PALM2AKAP2: variants seen among roughly 807,000 people sequenced by gnomAD.
PALM2AKAP2 encodes the protein PALM2-AKAP2 fusion protein.
In PALM2AKAP2, 37 loss-of-function variants were observed where a neutral mutation model predicts 71.5. The ratio of observed to expected loss-of-function variants is 0.52; its 90% CI spans 0.40 to 0.68. PALM2AKAP2 has a LOEUF of 0.68. Among genes scored for constraint, PALM2AKAP2 ranks in the 30% least tolerant of loss-of-function variants. The pLI is 0.00. For missense variants in PALM2AKAP2, 1,224 were observed against 1,191.8 expected, an observed-to-expected ratio of 1.03 and a Z score of -0.40; for synonymous variants, 468 against 478.8, an observed-to-expected ratio of 0.98 and a Z score of 0.29.
chr9:109,938,953 C>T (rs550600315), intron 6 of PALM2AKAP2, among the ~76,000 whole-genome samples: 69 of 152,090 alleles, frequency 4.5e-4, no homozygotes, highest in Non-Finnish European at 8.4e-4. Flanking sequence ...CGCTTGAACC[C>T]GGGAGGCAGA....
intron 1 of PALM2AKAP2, among the ~76,000 whole-genome samples, chr9:109,790,640 G>A (rs1409457100): frequency 1.3e-5 from 2 of 152,168 alleles, no homozygotes; most frequent in Admixed American, 6.5e-5. Flanking sequence ...TTTAAGAAAG[G>A]TGCCTCTTGG....
At chr9:109,806,955 G>A (rs1213294759) in intron 1 of PALM2AKAP2, among the ~76,000 whole-genome samples, 1 of 152,182 alleles carries the variant, frequency 6.6e-6, no homozygotes, top group Non-Finnish European at 1.5e-5. Context: ...GATGTGGTGA[G>A]CTGAGTTAGT....
chr9:110,124,570 T>C (rs1429828409), intron 1 of PALM2AKAP2, among the ~76,000 whole-genome samples: 3 of 152,168 alleles, frequency 2.0e-5, no homozygotes, highest in East Asian at 3.8e-4. Flanking sequence ...GTGGGTGTTA[T>C]CAGGCAGGGG....
At position 109,910,591 on chromosome 9, in the gene PALM2AKAP2, A is replaced by C. The variant is rs117218154; in HGVS notation, c.258-13144A>C. On this transcript the variant is annotated intron_variant, in intron 3 of 9. Coordinates refer to the PALM2AKAP2 transcript ENST00000302798. ...GGAAGAGTGATCAAATATGTTTTTA[A>C]AAACGAAGAAGTCAAACAGATCCAC... is the stretch of plus-strand genomic sequence containing the variant. Among the ~76,000 whole-genome samples the C allele has an allele frequency of 7.6e-3, 1,150 of 152,274 alleles. 7 individuals are homozygous for C. The highest frequency in any genetic ancestry group is 0.012 in the Non-Finnish European group (805 of 68,022).
chr9:110,089,697 C>T (rs561491880), intron 1 of PALM2AKAP2, among the ~76,000 whole-genome samples: 30 of 152,302 alleles, frequency 2.0e-4, no homozygotes, highest in African/African-American at 6.7e-4. Context: ...TCACAAGATG[C>T]TCATCCCTTT....
chr9:109,897,124 G>T (rs1830220460), intron 3 of PALM2AKAP2, among the ~76,000 whole-genome samples: 1 of 152,098 alleles, frequency 6.6e-6, no homozygotes, highest in Non-Finnish European at 1.5e-5. Flanking sequence ...TAGAGTTGAG[G>T]GTTAAGAGTA....
intron 1 of PALM2AKAP2, among the ~76,000 whole-genome samples, chr9:109,694,820 T>TA (rs1347906390): frequency 6.6e-6 from 1 of 151,980 alleles, no homozygotes; most frequent in Non-Finnish European, 1.5e-5. Context: ...GAATCAGACT[T>TA]AGACAATGAA....
intron 3 of PALM2AKAP2, among the ~76,000 whole-genome samples, chr9:109,886,705 T>C (rs1258046799): frequency 2.0e-5 from 3 of 152,228 alleles, no homozygotes; most frequent in African/African-American, 4.8e-5. Flanking sequence ...GCTCTGGTAT[T>C]CTGAGTTTCT....
chr9:109,688,225 G>A (rs752907396), intron 1 of PALM2AKAP2, among the ~76,000 whole-genome samples: 2 of 152,214 alleles, frequency 1.3e-5, no homozygotes, highest in African/African-American at 4.8e-5. Flanking sequence ...ATTCATCACA[G>A]GGTTGCTGCA....
At chr9:110,030,500 G>A (rs1473329307) in intron 7 of PALM2AKAP2, among the ~76,000 whole-genome samples, 1 of 152,146 alleles carries the variant, frequency 6.6e-6, no homozygotes, top group East Asian at 1.9e-4. Flanking sequence ...ACAGGAGTGA[G>A]GGGAGGTCAG....
At chr9:109,725,521 C>T (rs1231847952) in intron 1 of PALM2AKAP2, among the ~76,000 whole-genome samples, 2 of 152,124 alleles carry the variant, frequency 1.3e-5, no homozygotes, top group East Asian at 3.9e-4. Flanking sequence ...AAAGGAATAA[C>T]TCATCAAGCA....
intron 1 of PALM2AKAP2, among the ~76,000 whole-genome samples, chr9:110,085,704 T>A (rs999996893): frequency 3.3e-5 from 5 of 152,126 alleles, no homozygotes; most frequent in African/African-American, 1.2e-4. Context: ...AATAAAAATA[T>A]TGGGAGGACA....
At chr9:109,795,285 A>C (rs904776029) in intron 1 of PALM2AKAP2, among the ~76,000 whole-genome samples, 1 of 152,204 alleles carries the variant, frequency 6.6e-6, no homozygotes, top group Non-Finnish European at 1.5e-5. Flanking sequence ...GTATAACATA[A>C]AGGTTACCTG....
At chr9:109,721,692 GC>G (rs1329670594) in intron 1 of PALM2AKAP2, among the ~76,000 whole-genome samples, 3 of 152,066 alleles carry the variant, frequency 2.0e-5, no homozygotes, top group Admixed American at 6.6e-5. Context: ...CATGCATGAA[GC>G]CCCCCACACC....
intron 1 of PALM2AKAP2, among the ~76,000 whole-genome samples, chr9:109,836,230 C>T (rs1828472455): frequency 6.6e-6 from 1 of 152,230 alleles, no homozygotes. Flanking sequence ...GCAGTATTCA[C>T]TGTTCTGCAG....
intron 1 of PALM2AKAP2, among the ~76,000 whole-genome samples, chr9:109,675,706 G>A (rs572034471): frequency 3.1e-4 from 47 of 152,202 alleles, no homozygotes; most frequent in African/African-American, 1.1e-3. Context: ...TATAACATTT[G>A]TTCTTACAAA....
At chr9:109,768,934 A>C (rs1389173469) in intron 1 of PALM2AKAP2, among the ~76,000 whole-genome samples, 2 of 152,330 alleles carry the variant, frequency 1.3e-5, no homozygotes, top group African/African-American at 4.8e-5. Context: ...AGCCTGGGCA[A>C]CATAGTGAGA....
At chr9:110,039,340 A>G (rs547226748) in intron 7 of PALM2AKAP2, among the ~76,000 whole-genome samples, 2 of 152,360 alleles carry the variant, frequency 1.3e-5, no homozygotes, top group South Asian at 4.1e-4. Context: ...CTGTGAGCAC[A>G]AGAAAAATTT....
chr9:109,842,785 T>C (rs1156942586), intron 1 of PALM2AKAP2, among the ~76,000 whole-genome samples: 1 of 151,034 alleles, frequency 6.6e-6, no homozygotes, highest in African/African-American at 2.4e-5. Flanking sequence ...GAGGCCAAGG[T>C]GGGAGGATCA....
Sources: allele counts gnomAD v4.1 joint callset (sites outside exome capture counted in the v4.1 genomes callset), GRCh38; gene constraint gnomAD v4.1.1; transcripts MANE v1.5; gene names NCBI Gene and HGNC (gene_info 2026-07-23, HGNC 2026-07-21).